The following APAF1 variants were observed in gnomAD, a reference collection of about 807,000 sequenced individuals.
APAF1 encodes apoptotic peptidase activating factor 1.
In APAF1, 91 loss-of-function variants were observed where a neutral mutation model predicts 152.4. That is an observed-to-expected ratio of 0.60 (90% CI 0.50 to 0.71). The LOEUF is 0.71. Among genes scored for constraint, APAF1 ranks in the 30% least tolerant of loss-of-function variants. The pLI is 0.00. For missense variants in APAF1, 1,283 were observed against 1,472.0 expected (o/e 0.87, Z 2.10); for synonymous variants, 484 against 494.1 (o/e 0.98, Z 0.27).
Position 98,723,626 on chromosome 12 carries a change from T to G in APAF1, c.3205-13T>G. On this transcript the variant is annotated splice_polypyrimidine_tract_variant and intron_variant, in intron 23 of 26. Coordinates refer to ENST00000551964, the MANE Select transcript of APAF1 (RefSeq NM_181861.2). ...AAGTGTCAACCTCCAAGTGTTTTTT[T>G]TTTTTTTTTAAGGTATGGAATATTA... is the stretch of plus-strand genomic sequence containing the variant. 1 of 1,576,188 alleles carries G rather than the reference T, an allele frequency of 6.3e-7. No homozygotes were observed. Among genetic ancestry groups the G allele is most frequent in the Admixed American group, 1.8e-5 (1 of 56,772 alleles).
intron 7 of APAF1, among the ~76,000 whole-genome samples, chr12:98,663,565 A>G (rs1243374225): frequency 6.6e-6 from 1 of 152,144 alleles, no homozygotes; most frequent in African/African-American, 2.4e-5. Flanking sequence ...TTTGACATAT[A>G]GAAGCTTAAA....
intron 10 of APAF1, among the ~76,000 whole-genome samples, chr12:98,668,617 T>G (rs2097676376): frequency 6.6e-6 from 1 of 152,170 alleles, no homozygotes; most frequent in Non-Finnish European, 1.5e-5. Flanking sequence ...CATGATTTGC[T>G]TATGGGTTTG....
At chr12:98,687,641 G>T (rs1483307597) in intron 16 of APAF1, among the ~76,000 whole-genome samples, 1 of 152,054 alleles carries the variant, frequency 6.6e-6, no homozygotes, top group South Asian at 2.1e-4. Context: ...CAGGAACCTA[G>T]GTAATAGCAT....
At chr12:98,673,814 C>G (rs2097683547) in intron 12 of APAF1, among the ~76,000 whole-genome samples, 1 of 151,932 alleles carries the variant, frequency 6.6e-6, no homozygotes, top group African/African-American at 2.4e-5. Context: ...GGAGTTTAGG[C>G]AAATAATTAC....
intron 26 of APAF1, among the ~76,000 whole-genome samples, chr12:98,728,022 C>T (rs1419958566): frequency 6.6e-6 from 1 of 151,344 alleles, no homozygotes; most frequent in Non-Finnish European, 1.5e-5. Context: ...AAAAAAAAGG[C>T]AGTTACTATT....
At chr12:98,681,497 C>T (rs575882277) in intron 14 of APAF1, among the ~76,000 whole-genome samples, 2 of 152,114 alleles carry the variant, frequency 1.3e-5, no homozygotes, top group Non-Finnish European at 1.5e-5. Flanking sequence ...GAAGACAGAC[C>T]TTACTTTAAC....
chr12:98,704,413 G>C (rs1276848270), intron 18 of APAF1, among the ~76,000 whole-genome samples: 1 of 152,178 alleles, frequency 6.6e-6, no homozygotes, highest in African/African-American at 2.4e-5. Flanking sequence ...GGGTTCACAG[G>C]CTCCTCATCA....
intron 16 of APAF1, among the ~76,000 whole-genome samples, chr12:98,697,562 G>C (rs972605429): frequency 6.6e-6 from 1 of 152,098 alleles, no homozygotes; most frequent in Non-Finnish European, 1.5e-5. Context: ...TTTGATTTCC[G>C]TATTCATGTA....
At chr12:98,655,445 G>A (rs1413428906) in intron 4 of APAF1, among the ~76,000 whole-genome samples, 11 of 150,772 alleles carry the variant, frequency 7.3e-5, no homozygotes, top group African/African-American at 1.5e-4. Context: ...CGGGGCGGCC[G>A]GCCGGGCAGG....
rs190993315 is a variant in APAF1, at chr12:98,676,886, C to T, written c.1794-539C>T. ...TCTTGAACTCCTGACCTCAGGTGATCCACCCACCTTGGCCTCCCAAAGTGC... is the reference window on the plus strand; with the variant it reads ...TCTTGAACTCCTGACCTCAGGTGATTCACCCACCTTGGCCTCCCAAAGTGC... On this transcript the variant is annotated intron_variant, in intron 12 of 26. Coordinates refer to ENST00000551964, the MANE Select transcript of APAF1 (RefSeq NM_181861.2). Among the ~76,000 whole-genome samples the T allele has an allele frequency of 3.8e-3, 581 of 152,280 alleles. 4 individuals carry two copies. Among genetic ancestry groups the T allele is most frequent in the Middle Eastern group, 0.01 (3 of 294 alleles).
chr12:98,681,871 C>G (rs1042496591), intron 14 of APAF1, among the ~76,000 whole-genome samples: 2 of 152,078 alleles, frequency 1.3e-5, no homozygotes, highest in Non-Finnish European at 2.9e-5. Context: ...CTCTGGACCT[C>G]TGGGGATTCT....
intron 26 of APAF1, among the ~76,000 whole-genome samples, chr12:98,731,338 T>A (rs961733612): frequency 6.6e-6 from 1 of 152,186 alleles, no homozygotes; most frequent in African/African-American, 2.4e-5. Flanking sequence ...CCACAGTCCG[T>A]AATTAGGGTT....
rs554955493 is a variant in APAF1, at chr12:98,677,454, G to A, written c.1823G>A (p.Arg608His). ...INKKNITNLSRLVVRPHTDAV... is the reference protein window; with the variant it reads ...INKKNITNLSHLVVRPHTDAV... ...AAAAAAAACATCACGAATCTTTCCC[G>A]CTTAGTTGTCCGCCCCCACACAGAT... is the stretch of plus-strand genomic sequence containing the variant. Residue 608 changes from arginine to histidine, a missense_variant, in exon 13 of 27, where the codon CGC becomes CAC. Transcript: ENST00000551964. 72 of 1,613,756 alleles carry A rather than the reference G, an allele frequency of 4.5e-5. No homozygotes were observed. The highest frequency in any genetic ancestry group is 9.3e-5 in the African/African-American group (7 of 74,916).
chr12:98,677,333 A>C, intron 12 of APAF1, 92 bp from the exon 13 acceptor site: 1 of 1,329,746 alleles, frequency 7.5e-7, no homozygotes, highest in Middle Eastern at 1.9e-4. Flanking sequence ...GAACATAACC[A>C]TGTTAAAAGA....
chr12:98,707,209 G>C (rs1201032806), intron 19 of APAF1, among the ~76,000 whole-genome samples: 2 of 152,178 alleles, frequency 1.3e-5, no homozygotes, highest in East Asian at 3.9e-4. Flanking sequence ...CTTCTCCACA[G>C]CATGGCCTTA....
chr12:98,675,481 T>C (rs1461931312), intron 12 of APAF1, among the ~76,000 whole-genome samples: 1 of 152,210 alleles, frequency 6.6e-6, no homozygotes, highest in Non-Finnish European at 1.5e-5. Flanking sequence ...TCTATATCCA[T>C]AGATTCAACC....
chr12:98,727,227 G>T lies in APAF1; in HGVS notation c.3511G>T (p.Glu1171Ter). The change falls in exon 26 of 27, where the codon GAA becomes TAA. Residue 1171 changes from glutamate to a stop codon, truncating the protein, a stop_gained. Transcript: ENST00000551964. LOFTEE classifies it high-confidence loss of function. ...TCATTTGTGTGCTCCGCTTTCAGAAGAAGGAGCTGCTACCCATGGAGGCTG... is the reference window on the plus strand; with the variant it reads ...TCATTTGTGTGCTCCGCTTTCAGAATAAGGAGCTGCTACCCATGGAGGCTG... The part of the protein sequence containing the change: ...LLHLCAPLSE[E>*]GAATHGGWVT... 1 of 1,614,164 alleles carries T rather than the reference G, an allele frequency of 6.2e-7. No homozygotes were observed. Among genetic ancestry groups the T allele is most frequent in the Non-Finnish European group, 8.5e-7 (1 of 1,180,000 alleles).
intron 22 of APAF1, among the ~76,000 whole-genome samples, chr12:98,720,915 T>C (rs1343480057): frequency 6.6e-6 from 1 of 151,098 alleles, no homozygotes; most frequent in African/African-American, 2.4e-5. Context: ...TGCAGTGAGC[T>C]GAGATCCCGC....
chr12:98,656,004 C>T (rs895956515), intron 4 of APAF1, among the ~76,000 whole-genome samples: 4 of 152,064 alleles, frequency 2.6e-5, no homozygotes, highest in Admixed American at 6.5e-5. Context: ...AGGATGGTTT[C>T]GATCTCCTGA....
Sources: allele counts gnomAD v4.1 joint callset (sites outside exome capture counted in the v4.1 genomes callset), GRCh38; gene constraint gnomAD v4.1.1; transcripts MANE v1.5; gene names NCBI Gene and HGNC (gene_info 2026-07-23, HGNC 2026-07-21).